Variants in CRACD observed in about 807,000 individuals in gnomAD.
CRACD encodes capping protein-inhibiting regulator of actin dynamics.
Under a neutral mutation model 106.8 loss-of-function variants are expected in CRACD, and 56 were observed. That is an observed-to-expected ratio of 0.52 (90% confidence interval 0.42 to 0.66). CRACD has a LOEUF of 0.66. Among genes scored for constraint, CRACD ranks in the 30% least tolerant of loss-of-function variants. The pLI, the probability that CRACD is intolerant of heterozygous loss-of-function variation, is 0.00. For synonymous variants in CRACD, 754 were observed against 670.8 expected, an observed-to-expected ratio of 1.12 and a Z score of -1.92; for missense variants, 1,730 against 1,623.2, an observed-to-expected ratio of 1.07 and a Z score of -1.13.
chr4:56,073,372 T>TA (rs397961799), intron 1 of CRACD, among the ~76,000 whole-genome samples: 1 of 152,060 alleles, frequency 6.6e-6, no homozygotes, highest in Non-Finnish European at 1.5e-5. Context: ...GATGAGTTTT[T>TA]GTCGTGTGTT....
At chr4:56,186,955 A>G (rs904280829) in intron 2 of CRACD, among the ~76,000 whole-genome samples, 13 of 151,972 alleles carry the variant, frequency 8.6e-5, no homozygotes, top group Non-Finnish European at 1.8e-4. Flanking sequence ...GGTCCCAGCT[A>G]CTCACAGGGA....
At chr4:56,189,062 A>C (rs1019667517) in intron 2 of CRACD, among the ~76,000 whole-genome samples, 8 of 152,140 alleles carry the variant, frequency 5.3e-5, no homozygotes, top group African/African-American at 9.7e-5. Context: ...ATGCATCTGT[A>C]GTCCCAGTTA....
chr4:56,254,169 A>T (rs1274594856), intron 2 of CRACD, among the ~76,000 whole-genome samples: 1 of 152,182 alleles, frequency 6.6e-6, no homozygotes, highest in Non-Finnish European at 1.5e-5. Context: ...AGTCTGGGAA[A>T]GAGGAATGTG....
chr4:56,220,471 C>A (rs1738970325), intron 2 of CRACD, among the ~76,000 whole-genome samples: 1 of 152,136 alleles, frequency 6.6e-6, no homozygotes, highest in African/African-American at 2.4e-5. Context: ...CCTGCTGGGG[C>A]CTGCTGGAAG....
chr4:56,204,237 A>C (rs1018143579), intron 2 of CRACD, among the ~76,000 whole-genome samples: 1 of 152,206 alleles, frequency 6.6e-6, no homozygotes, highest in African/African-American at 2.4e-5. Context: ...GCTAGTAGAG[A>C]TCCATTAGAC....
intron 4 of CRACD, among the ~76,000 whole-genome samples, chr4:56,302,836 G>A (rs1339173222): frequency 6.6e-6 from 1 of 152,130 alleles, no homozygotes; most frequent in Non-Finnish European, 1.5e-5. Context: ...GTAGGAATAA[G>A]CCTTATAAAT....
chr4:56,251,377 G>A (rs1233135589), intron 2 of CRACD, among the ~76,000 whole-genome samples: 1 of 152,174 alleles, frequency 6.6e-6, no homozygotes, highest in Non-Finnish European at 1.5e-5. Flanking sequence ...ATATTTGAAA[G>A]GCACTCAAAA....
At position 56,252,612 on chromosome 4, in the gene CRACD, T is replaced by C. The variant is rs1741119050; in HGVS notation, c.-188-19709T>C. Among the ~76,000 whole-genome samples, 3 of 152,184 alleles carry C rather than the reference T, an allele frequency of 2.0e-5. No individual in the cohort carries two copies. In the South Asian group the frequency reaches 6.2e-4, roughly 31 times the overall value. On this transcript the variant is annotated intron_variant, in intron 2 of 10. Coordinates refer to ENST00000682029, the MANE Select transcript of CRACD (RefSeq NM_001393381.1). ...AAACAGGGATCTTGTGAAGGTAGCA[T>C]TGAATAGCACTGGTGATCCATAGAT...
At chr4:56,200,486 C>T (rs1737830225) in intron 2 of CRACD, among the ~76,000 whole-genome samples, 1 of 152,074 alleles carries the variant, frequency 6.6e-6, no homozygotes, top group Non-Finnish European at 1.5e-5. Flanking sequence ...TATGAGTCAC[C>T]CTTCAGAAGT....
chr4:56,087,466 T>G (rs1733267692), intron 1 of CRACD, among the ~76,000 whole-genome samples: 1 of 152,242 alleles, frequency 6.6e-6, no homozygotes, highest in Non-Finnish European at 1.5e-5. Flanking sequence ...CTCGCTTCTG[T>G]CTGCTCCTTC....
chr4:56,290,307 C>A (rs1743634144), intron 3 of CRACD, among the ~76,000 whole-genome samples: 1 of 152,174 alleles, frequency 6.6e-6, no homozygotes, highest in African/African-American at 2.4e-5. Flanking sequence ...CTAATCTGGA[C>A]TTTACCTCAC....
chr4:56,086,232 G>C (rs974052439), intron 1 of CRACD, among the ~76,000 whole-genome samples: 1 of 152,092 alleles, frequency 6.6e-6, no homozygotes, highest in Non-Finnish European at 1.5e-5. Context: ...CAGGGGGTCG[G>C]GGAGTGCATG....
At chr4:56,261,205 T>C (rs1009121991) in intron 2 of CRACD, among the ~76,000 whole-genome samples, 3 of 152,126 alleles carry the variant, frequency 2.0e-5, no homozygotes, top group African/African-American at 7.2e-5. Flanking sequence ...AAGTCAGTCA[T>C]TGATTCACGG....
chr4:56,324,349 C>A, intron 10 of CRACD, 83 bp downstream of exon 10: 1 of 1,308,536 alleles, frequency 7.6e-7, no homozygotes, highest in Non-Finnish European at 1.0e-6. Flanking sequence ...AGTGTAATGA[C>A]TAGCAGAGCA....
intron 2 of CRACD, among the ~76,000 whole-genome samples, chr4:56,214,681 C>CTATATATATATATATATATATATA (rs545506498): frequency 8.6e-5 from 7 of 80,976 alleles, no homozygotes; most frequent in East Asian, 3.7e-4. Context: ...CTCTCTCTCT[C>CTATATATATATATATATATATATA]TATATATATA....
chr4:56,146,469 G>A (rs949721011), intron 1 of CRACD, among the ~76,000 whole-genome samples: 1 of 150,966 alleles, frequency 6.6e-6, no homozygotes, highest in African/African-American at 2.4e-5. Flanking sequence ...TGCACAATGT[G>A]CAGGTTAGTT....
In CRACD at chr4:56,316,314, C is replaced by T. The variant is rs1266276042; in HGVS notation, c.2812C>T (p.Pro938Ser). The T allele has an allele frequency of 6.2e-7, 1 of 1,613,914 alleles. No homozygotes were observed. Among genetic ancestry groups the T allele is most frequent in the African/African-American group, 1.3e-5 (1 of 74,954 alleles). ...SVPVAHPGPPPASSQTPAPEH... is the reference protein window; with the variant it reads ...SVPVAHPGPPSASSQTPAPEH... The stretch of plus-strand genomic sequence containing the variant: ...TCCTGTGGCCCACCCTGGGCCTCCA[C>T]CGGCCAGCAGCCAGACCCCGGCTCC... Residue 938 changes from proline to serine, a missense_variant, in exon 8 of 11, where the codon CCG becomes TCG. By Grantham distance (74) the Pro-to-Ser change is moderately conservative (BLOSUM62 -1). Transcript: ENST00000682029.
intron 5 of CRACD, among the ~76,000 whole-genome samples, chr4:56,310,127 G>A (rs1215750882): frequency 6.6e-6 from 1 of 152,108 alleles, no homozygotes; most frequent in Non-Finnish European, 1.5e-5. Flanking sequence ...GGACATGGGG[G>A]TGTGAATCTT....
At chr4:56,311,479 A>G (rs1745152690) in intron 6 of CRACD, 1 of 152,206 alleles carries the variant, frequency 6.6e-6, no homozygotes, top group Non-Finnish European at 1.5e-5. Flanking sequence ...AATCTGTCAC[A>G]TTTGGCTCCG....
Sources: gnomAD v4.1 joint callset for allele counts (sites outside exome capture counted in the v4.1 genomes callset) on GRCh38, gnomAD v4.1.1 for gene constraint, MANE v1.5 for transcripts, NCBI Gene and HGNC (gene_info 2026-07-23, HGNC 2026-07-21) for gene names.